The following PCDHGA1 variants were observed in gnomAD, a reference collection of about 807,000 sequenced individuals.
PCDHGA1 encodes the protein protocadherin gamma-A1.
A neutral mutation model predicts 58.0 loss-of-function variants in PCDHGA1; 32 were observed. That is an observed-to-expected ratio of 0.55 (90% CI 0.42 to 0.74). The LOEUF is 0.74. PCDHGA1 is among the 30% of genes least tolerant of loss of function. The pLI, the probability that PCDHGA1 is intolerant of heterozygous loss-of-function variation, is 0.00. For missense variants in PCDHGA1, 1,205 were observed against 1,182.3 expected, an observed-to-expected ratio of 1.02 and a Z score of -0.28; for synonymous variants, 498 against 501.1, an observed-to-expected ratio of 0.99 and a Z score of 0.08.
At chr5:141,427,732 G>T in intron 1 of PCDHGA1, 1 of 1,190,370 alleles carries the variant, frequency 8.4e-7, no homozygotes, top group Non-Finnish European at 1.2e-6. Context: ...GGGCTGAATG[G>T]CCAAGTCTCC....
chr5:141,332,304 G>A lies in PCDHGA1; in HGVS notation c.1620G>A (p.Pro540=), dbSNP rs768192242. The change falls in exon 1 of 4, where the codon CCG becomes CCA. Residue 540 remains proline (P), a synonymous_variant. Transcript: ENST00000517417. This position sits in a 1 kb window ranked among gnomAD's most constrained non-coding sequence, Gnocchi z 4.6. ...LKVMARDSGD[P]PLSSNVSLSL... ...TGATGGCGCGGGACAGTGGGGATCC[G>A]CCCCTCAGCAGCAACGTGTCTCTCA... The A allele has an allele frequency of 5.0e-6, 8 of 1,614,214 alleles. No homozygotes were observed. The highest frequency in any genetic ancestry group is 4.4e-5 in the South Asian group (4 of 91,084).
chr5:141,371,514 C>A (rs781132718), intron 1 of PCDHGA1: 1 of 1,613,792 alleles, frequency 6.2e-7, no homozygotes, highest in South Asian at 1.1e-5. Context: ...AACACATGAT[C>A]TAGATTCTGG....
chr5:141,510,420 G>T (rs1275392355), intron 3 of PCDHGA1, among the ~76,000 whole-genome samples: 3 of 152,126 alleles, frequency 2.0e-5, no homozygotes, highest in African/African-American at 7.2e-5. Flanking sequence ...TAAAGCCATG[G>T]TTTCATGGCT....
chr5:141,414,376 T>G, intron 1 of PCDHGA1: 1 of 1,613,824 alleles, frequency 6.2e-7, no homozygotes, highest in Non-Finnish European at 8.5e-7. Flanking sequence ...ATTAGAAAAG[T>G]CCATTGACAG....
At chr5:141,413,729 G>C (rs2095671676) in intron 1 of PCDHGA1, 1 of 1,613,378 alleles carries the variant, frequency 6.2e-7, no homozygotes, top group Non-Finnish European at 8.5e-7. Flanking sequence ...TTCTCCCTAA[G>C]AGTTCAGAGC....
At position 141,334,669 on chromosome 5, in the gene PCDHGA1, T is replaced by C. The variant is rs1014412841; in HGVS notation, c.2421+1564T>C. ...GGTGGTTATAACTTTCTTCGTAAGC[T>C]GTGTAGACCAAGAGAGAGAGACAGA... On this transcript the variant is annotated intron_variant, in intron 1 of 3. Transcript: ENST00000517417. This position sits in a 1 kb window ranked among gnomAD's most constrained non-coding sequence, Gnocchi z 4.6. The C allele has an allele frequency of 1.2e-4, 18 of 152,222 alleles. No homozygotes were observed. The highest frequency in any genetic ancestry group is 3.4e-4 in the African/African-American group (14 of 41,442). The allele number at this position is 152,222 out of a possible 1,614,324, so 9.4% of individuals were successfully genotyped here. A position where few individuals can be genotyped will look rare whatever the true frequency, so the allele number is the denominator to read the frequency against.
intron 1 of PCDHGA1, chr5:141,355,106 G>T (rs1226515373): frequency 4.6e-6 from 7 of 1,506,972 alleles, no homozygotes; most frequent in Non-Finnish European, 2.7e-6. Flanking sequence ...CTCTGGCTGT[G>T]AATGCACTTT....
intron 1 of PCDHGA1, chr5:141,343,925 G>C (rs1757341245): frequency 2.0e-6 from 2 of 1,023,870 alleles, no homozygotes; most frequent in Non-Finnish European, 2.8e-6. Context: ...CCAGCTGTTT[G>C]ACCTGTGAAT....
At chr5:141,447,371 C>G (rs1180989888) in intron 1 of PCDHGA1, among the ~76,000 whole-genome samples, 1 of 151,826 alleles carries the variant, frequency 6.6e-6, no homozygotes, top group African/African-American at 2.4e-5. Context: ...ACTCCTGACC[C>G]TGGTGATCTG....
rs189734474 is a variant in PCDHGA1, at chr5:141,512,858, G to T, written c.*1685G>T. 1 of 152,296 alleles carries T rather than the reference G, an allele frequency of 6.6e-6. No individual in the cohort carries two copies. The highest frequency in any genetic ancestry group is 1.9e-4 in the East Asian group (1 of 5,182). 9.4% of individuals were successfully genotyped at this position (152,296 alleles called of 1,614,324 possible). ...ACTTCTCCTATAAGCGCTTCTCTTC[G>T]CATAGTCACGTAGCTCCCACCCCAC... On this transcript the variant is annotated 3_prime_UTR_variant, in exon 4 of 4. Coordinates refer to ENST00000517417, the MANE Select transcript of PCDHGA1 (RefSeq NM_018912.3).
chr5:141,457,410 C>G (rs746966828), intron 1 of PCDHGA1, among the ~76,000 whole-genome samples: 1 of 152,182 alleles, frequency 6.6e-6, no homozygotes, highest in Non-Finnish European at 1.5e-5. Context: ...TTTCACATTA[C>G]CCATCCCTTT....
chr5:141,489,837 G>A lies in PCDHGA1; in HGVS notation c.2422-4970G>A. 6.2e-7 allele frequency: 1 copy of A among 1,614,204 alleles called. No individual in the cohort carries two copies. ...TCCCAGAGCTGGTGCTAGAGCAGCAGCTGGATCGTGAAGCCCAGGCAAGAC... is the reference window on the plus strand; with the variant it reads ...TCCCAGAGCTGGTGCTAGAGCAGCAACTGGATCGTGAAGCCCAGGCAAGAC... On this transcript the variant is annotated intron_variant, in intron 1 of 3. Transcript: ENST00000517417. This position sits in a 1 kb window ranked among gnomAD's most constrained non-coding sequence, Gnocchi z 4.5.
intron 1 of PCDHGA1, chr5:141,400,143 T>G: frequency 6.2e-7 from 1 of 1,614,104 alleles, no homozygotes; most frequent in Non-Finnish European, 8.5e-7. Context: ...CGGATATCAC[T>G]GACCGCCCTG....
chr5:141,469,829 A>G (rs2099212486), intron 1 of PCDHGA1, among the ~76,000 whole-genome samples: 1 of 152,102 alleles, frequency 6.6e-6, no homozygotes, highest in African/African-American at 2.4e-5. Context: ...AGGTCACATA[A>G]AACTTATTCT....
At chr5:141,501,013 C>T (rs1456343329) in intron 2 of PCDHGA1, among the ~76,000 whole-genome samples, 2 of 151,970 alleles carry the variant, frequency 1.3e-5, no homozygotes, top group Non-Finnish European at 2.9e-5. Context: ...GGACTACAGG[C>T]ACGCGCCACC....
At chr5:141,352,597 T>C in intron 1 of PCDHGA1, 3 of 1,613,558 alleles carry the variant, frequency 1.9e-6, no homozygotes, top group Non-Finnish European at 1.7e-6. Flanking sequence ...TGCTGTGTGA[T>C]GATCCTTCTA....
At chr5:141,481,607 C>A (rs2099540195) in intron 1 of PCDHGA1, among the ~76,000 whole-genome samples, 1 of 152,158 alleles carries the variant, frequency 6.6e-6, no homozygotes, top group Admixed American at 6.5e-5. Flanking sequence ...CACCTGAGGC[C>A]AGGAGTTCAA....
At chr5:141,389,240 G>A (rs903029281) in intron 1 of PCDHGA1, 4 of 1,613,902 alleles carry the variant, frequency 2.5e-6, no homozygotes, top group African/African-American at 1.3e-5. Context: ...TTTTCTCACA[G>A]TCTTCCTATA....
chr5:141,431,553 A>T lies in PCDHGA1; in HGVS notation c.2422-63254A>T, dbSNP rs762863300. On this transcript the variant is annotated intron_variant, in intron 1 of 3. Coordinates refer to ENST00000517417, the MANE Select transcript of PCDHGA1 (RefSeq NM_018912.3). The surrounding 1 kb of genome is among the most constrained non-coding windows in gnomAD (Gnocchi z 4.8). Reference sequence around the variant, plus strand: ...TTGGGCACGCAGCTGCTTGTAGTCAACGCTACCGACCCTGACGAAGGAGTC... The same window carrying T: ...TTGGGCACGCAGCTGCTTGTAGTCATCGCTACCGACCCTGACGAAGGAGTC... The T allele has an allele frequency of 1.1e-5, 18 of 1,613,994 alleles. 1 individual carries two copies. Among genetic ancestry groups the T allele is most frequent in the Non-Finnish European group, 3.4e-6 (4 of 1,180,028 alleles).
Sources: allele counts gnomAD v4.1 joint callset (sites outside exome capture counted in the v4.1 genomes callset), GRCh38; gene constraint gnomAD v4.1.1; non-coding constraint Gnocchi (gnomAD v3.1); transcripts MANE v1.5; gene names NCBI Gene and HGNC (gene_info 2026-07-23, HGNC 2026-07-21).